INSC: variants seen among roughly 807,000 people sequenced by gnomAD.
INSC encodes the protein protein inscuteable homolog.
In INSC, 67 loss-of-function variants were observed where a neutral mutation model predicts 58.6. That is an observed-to-expected ratio of 1.14 (90% CI 0.94 to 1.40). INSC has a LOEUF of 1.40. Among genes scored for constraint, INSC ranks in the 40% most tolerant of loss-of-function variants. INSC has a pLI of 0.00. For synonymous variants in INSC, 262 were observed against 276.1 expected (o/e 0.95, Z 0.51); for missense variants, 714 against 692.0 (o/e 1.03, Z -0.36).
In INSC at chr11:15,178,328, C is replaced by A. The variant is rs757974056; in HGVS notation, c.460C>A (p.Leu154Ile). 8.6e-5 allele frequency: 139 copies of A among 1,613,850 alleles called. 1 individual carries two copies. In the South Asian group the frequency reaches 1.5e-3, roughly 17 times the overall value. ...SELSAVTERC[L>I]QVENEHVLKS... ...CCCATGGTTTCTTCTCTTCAGGTGC[C>A]TTCAGGTTGAGAATGAGCATGTCCT... The change falls in exon 5 of 13, where the codon CTT becomes ATT. Residue 154 changes from leucine to isoleucine, a missense_variant. Leu to Ile is a conservative substitution (Grantham distance 5, BLOSUM62 2). Coordinates refer to ENST00000379556, the MANE Select transcript of INSC (RefSeq NM_001042536.3).
intron 9 of INSC, among the ~76,000 whole-genome samples, chr11:15,230,226 T>C (rs1349697434): frequency 6.7e-6 from 1 of 150,288 alleles, no homozygotes; most frequent in Non-Finnish European, 1.5e-5. Context: ...TAAGACTGGG[T>C]AATTTGTAAA....
intron 2 of INSC, among the ~76,000 whole-genome samples, chr11:15,157,495 T>C (rs576019816): frequency 2.6e-5 from 4 of 152,292 alleles, no homozygotes; most frequent in Admixed American, 2.6e-4. Flanking sequence ...ATTGACCCAC[T>C]GGGAGTTGGA....
chr11:15,140,572 C>G (rs921537205), intron 1 of INSC, among the ~76,000 whole-genome samples: 9 of 150,214 alleles, frequency 6.0e-5, no homozygotes, highest in Non-Finnish European at 1.3e-4. Context: ...TTTTTGATTT[C>G]TTTCTTTCTT....
chr11:15,245,232 A>C (rs1248470363), intron 12 of INSC, among the ~76,000 whole-genome samples: 1 of 152,086 alleles, frequency 6.6e-6, no homozygotes, highest in East Asian at 1.9e-4. Context: ...ATAATTGGGG[A>C]AGCCTTCATG....
In INSC at chr11:15,246,177, G is replaced by A. The variant is rs1852558104; in HGVS notation, c.*137G>A. On this transcript the variant is annotated 3_prime_UTR_variant, in exon 13 of 13. Transcript: ENST00000379556. The stretch of plus-strand genomic sequence containing the variant: ...CTTATTTTTGTGTGAAATAAATGGA[G>A]GACAAAATCTTAGAGCAACATCATC... The A allele has an allele frequency of 7.7e-6, 7 of 913,184 alleles. No individual in the cohort carries two copies. Among genetic ancestry groups the A allele is most frequent in the South Asian group, 6.7e-5 (3 of 44,556 alleles). The allele number at this position is 913,184 out of a possible 1,614,324, so 56.6% of individuals were successfully genotyped here.
At chr11:15,157,229 C>T (rs1420351888) in intron 2 of INSC, among the ~76,000 whole-genome samples, 1 of 152,196 alleles carries the variant, frequency 6.6e-6, no homozygotes, top group Non-Finnish European at 1.5e-5. Context: ...GATTTCAGTT[C>T]ACTGTGGAGA....
chr11:15,149,251 T>C, intron 2 of INSC, 21 bp downstream of exon 2: 1 of 1,542,894 alleles, frequency 6.5e-7, no homozygotes, highest in African/African-American at 1.4e-5. Flanking sequence ...CAGCTGTCAC[T>C]CCAGGCCAGG....
intron 2 of INSC, among the ~76,000 whole-genome samples, chr11:15,165,368 G>A (rs1383559591): frequency 2.6e-5 from 4 of 152,146 alleles, no homozygotes. Flanking sequence ...TATATATTAT[G>A]TGTATATACA....
At chr11:15,229,990 TA>T (rs1237776299) in intron 9 of INSC, among the ~76,000 whole-genome samples, 8 of 27,626 alleles carry the variant, frequency 2.9e-4, no homozygotes, top group Admixed American at 6.6e-4. Flanking sequence ...TATATATATA[TA>T]TATATATATA....
chr11:15,239,257 C>T (rs774581364), intron 11 of INSC, among the ~76,000 whole-genome samples, 183 bp downstream of exon 11: 14 of 152,072 alleles, frequency 9.2e-5, no homozygotes, highest in Admixed American at 2.6e-4. Flanking sequence ...AACTTGGGGC[C>T]GAAGCAAGAG....
chr11:15,235,479 G>A (rs556121501), intron 9 of INSC, 123 bp from the exon 10 acceptor site: 14 of 772,962 alleles, frequency 1.8e-5, no homozygotes, highest in African/African-American at 1.5e-4. Context: ...GGATAGGCCC[G>A]GTGGACAGGA....
intron 2 of INSC, among the ~76,000 whole-genome samples, chr11:15,170,418 G>C (rs1849355911): frequency 6.6e-6 from 1 of 152,048 alleles, no homozygotes; most frequent in South Asian, 2.1e-4. Flanking sequence ...ACTTTGAAGA[G>C]TATTGGTCAG....
Position 15,240,534 on chromosome 11 carries a change from AG to A in INSC, c.1470+12del, listed in dbSNP as rs1564924321. ...CTTGTGGCCTGCCTGGTGAGTTCTC[AG>A]TCTTCCCCCAGCTTTTCCCCTGGCC... On this transcript the variant is annotated intron_variant, in intron 12 of 12. Coordinates refer to ENST00000379556, the MANE Select transcript of INSC (RefSeq NM_001042536.3). 6.2e-7 allele frequency: 1 copy of A among 1,610,830 alleles called. No individual in the cohort carries two copies. Among genetic ancestry groups the A allele is most frequent in the South Asian group, 1.1e-5 (1 of 90,338 alleles).
chr11:15,142,765 C>T (rs1310172743), intron 1 of INSC, among the ~76,000 whole-genome samples: 1 of 151,656 alleles, frequency 6.6e-6, no homozygotes, highest in African/African-American at 2.4e-5. Context: ...GCAGCTTTGT[C>T]TCAGTGGATA....
intron 5 of INSC, among the ~76,000 whole-genome samples, chr11:15,180,216 C>T (rs553373280): frequency 6.6e-6 from 1 of 152,004 alleles, no homozygotes; most frequent in Non-Finnish European, 1.5e-5. Flanking sequence ...GGAGATCGCG[C>T]CACTGCACTC....
At chr11:15,114,754 C>G (rs1044852844), upstream of INSC, among the ~76,000 whole-genome samples, 1 of 152,274 alleles carries the variant, frequency 6.6e-6, no homozygotes, top group Admixed American at 6.5e-5. Flanking sequence ...CCCGCGGAGA[C>G]AGCAGGCAGC....
At chr11:15,135,122 G>GATA in intron 1 of INSC, among the ~76,000 whole-genome samples, 1 of 152,060 alleles carries the variant, frequency 6.6e-6, no homozygotes, top group Non-Finnish European at 1.5e-5. Context: ...AGAGAATTGA[G>GATA]GGATTTCAGT....
At chr11:15,227,306 G>A (rs1158679677) in intron 9 of INSC, among the ~76,000 whole-genome samples, 1 of 152,214 alleles carries the variant, frequency 6.6e-6, no homozygotes, top group African/African-American at 2.4e-5. Context: ...CACTGAGCAA[G>A]TCAAAGGCTC....
chr11:15,174,139 T>TA (rs1326096837), intron 2 of INSC, among the ~76,000 whole-genome samples: 2 of 151,988 alleles, frequency 1.3e-5, no homozygotes, highest in African/African-American at 4.8e-5. Context: ...GCCTCCTTGC[T>TA]ATTCCTTGCA....
Sources: gnomAD v4.1 joint callset for allele counts (sites outside exome capture counted in the v4.1 genomes callset) on GRCh38, gnomAD v4.1.1 for gene constraint, MANE v1.5 for transcripts, NCBI Gene and HGNC (gene_info 2026-07-23, HGNC 2026-07-21) for gene names.